RAD21: variants seen among roughly 807,000 people sequenced by gnomAD.
RAD21 encodes the protein double-strand-break repair protein rad21 homolog.
RAD21 carries 18 observed loss-of-function variants against 71.5 expected under a neutral mutation model. That is an observed-to-expected ratio of 0.25 (90% CI 0.17 to 0.37). The LOEUF is 0.37. RAD21 is among the 10% of genes least tolerant of loss of function. The pLI is 1.00. For synonymous variants in RAD21, 248 were observed against 254.0 expected, an observed-to-expected ratio of 0.98 and a Z score of 0.22; for missense variants, 493 against 769.1, an observed-to-expected ratio of 0.64 and a Z score of 4.25.
chr8:116,869,827 T>C (rs899384923), intron 1 of RAD21, among the ~76,000 whole-genome samples: 1 of 152,224 alleles, frequency 6.6e-6, no homozygotes, highest in African/African-American at 2.4e-5. Flanking sequence ...TCTCTTGAAT[T>C]AGCTTTTCTC....
intron 1 of RAD21, among the ~76,000 whole-genome samples, chr8:116,869,730 T>A (rs1235031991): frequency 6.6e-6 from 1 of 152,110 alleles, no homozygotes; most frequent in East Asian, 1.9e-4. Flanking sequence ...ACACTTAATA[T>A]AAGAGCTAAA....
chr8:116,871,329 GA>G (rs1263139222), intron 1 of RAD21, among the ~76,000 whole-genome samples: 1 of 152,064 alleles, frequency 6.6e-6, no homozygotes, highest in African/African-American at 2.4e-5. Context: ...CATGATTTGA[GA>G]ATCATTTTTT....
intron 2 of RAD21, among the ~76,000 whole-genome samples, chr8:116,864,504 G>A (rs1812651768): frequency 7.1e-6 from 1 of 140,000 alleles, no homozygotes; most frequent in Non-Finnish European, 1.6e-5. Flanking sequence ...TACATTTTTA[G>A]ACATCCAAAA....
rs751240893 is a variant in RAD21 at position 116,854,326 on chromosome 8, C to T, written c.1080G>A (p.Leu360=). ...TLDLAPPTKK[L]MMWKETGGVE... ...CTCCTCCTGTCTCTTTCCACATCATCAATTTCTTGGTGGGCGGTGCCAGAT... is the reference window on the plus strand; with the variant it reads ...CTCCTCCTGTCTCTTTCCACATCATTAATTTCTTGGTGGGCGGTGCCAGAT... Residue 360 remains leucine, a synonymous_variant, in exon 9 of 14, where the codon TTG becomes TTA. Coordinates refer to ENST00000297338, the MANE Select transcript of RAD21 (RefSeq NM_006265.3). The T allele has an allele frequency of 1.9e-6, 3 of 1,613,862 alleles. No individual in the cohort carries two copies. The East Asian group carries it at 6.7e-5, about 36-fold the overall frequency.
chr8:116,869,976 C>A (rs1051784318), intron 1 of RAD21, among the ~76,000 whole-genome samples: 1 of 152,100 alleles, frequency 6.6e-6, no homozygotes, highest in Non-Finnish European at 1.5e-5. Context: ...ACGCGTATCA[C>A]AAGCAACAGA....
chr8:116,858,258 T>C (rs1230271898), intron 5 of RAD21, 94 bp downstream of exon 5: 3 of 912,908 alleles, frequency 3.3e-6, no homozygotes, highest in Non-Finnish European at 5.0e-6. Flanking sequence ...AAATTTTAAG[T>C]CTTTCTGTCT....
intron 11 of RAD21, chr8:116,851,342 A>G (rs1321192299): frequency 6.6e-6 from 1 of 152,268 alleles, no homozygotes; most frequent in Non-Finnish European, 1.5e-5. Context: ...TTACCACCAG[A>G]GGGCACAGAA....
chr8:116,871,524 C>G (rs1308800234), intron 1 of RAD21, among the ~76,000 whole-genome samples: 1 of 152,194 alleles, frequency 6.6e-6, no homozygotes, highest in Non-Finnish European at 1.5e-5. Context: ...CAATATTTCA[C>G]TCATTAGAAA....
Position 116,869,528 on chromosome 8 carries a change from C to A in RAD21, c.-32-2767G>T, listed in dbSNP as rs551215930. ...TGAACCCAGGCTGTGGAGGTTGCAG[C>A]GAGCTGAGATCGCGACACTGCATTC... On this transcript the variant is annotated intron_variant, in intron 1 of 13. Coordinates refer to ENST00000297338, the MANE Select transcript of RAD21 (RefSeq NM_006265.3). Among the ~76,000 whole-genome samples the A allele has an allele frequency of 5.3e-5, 8 of 151,982 alleles. No homozygotes were observed. In the South Asian group the frequency reaches 1.7e-3, roughly 32 times the overall value.
At position 116,850,723 on chromosome 8, in the gene RAD21, G is replaced by A. The variant is rs9297560; in HGVS notation, c.1515C>T (p.Pro505=). 22 of 1,613,222 alleles carry A rather than the reference G, an allele frequency of 1.4e-5. No individual in the cohort carries two copies. Among genetic ancestry groups the A allele is most frequent in the Non-Finnish European group, 1.8e-5 (21 of 1,179,430 alleles). ...EQMEIPPVEL[P]PEEPPNICQL... ...GACAGATATTTGGAGGTTCTTCTGG[G>A]GGAAGCTCTACAGGTGGTATTTCCA... Residue 505 remains proline (P), a synonymous_variant, in exon 12 of 14, where the codon CCC becomes CCT. Coordinates refer to ENST00000297338, the MANE Select transcript of RAD21 (RefSeq NM_006265.3).
At position 116,856,789 on chromosome 8, in the gene RAD21, A is replaced by G; in HGVS notation, c.689-18T>C. The G allele has an allele frequency of 6.8e-7, 1 of 1,478,984 alleles. No homozygotes were observed. The highest frequency in any genetic ancestry group is 9.0e-7 in the Non-Finnish European group (1 of 1,105,472). The allele number at this position is 1,478,984 out of a possible 1,614,324, so 91.6% of individuals were successfully genotyped here. On this transcript the variant is annotated intron_variant, in intron 6 of 13. Transcript: ENST00000297338. ...TTTGTCATCTGAAATAGGGAATGTA[A>G]GTTAGTTATAATTTGAAAAAGAAAT... is the stretch of plus-strand genomic sequence containing the variant.
intron 12 of RAD21, among the ~76,000 whole-genome samples, chr8:116,850,048 GAA>G (rs1445300035): frequency 3.3e-5 from 5 of 151,998 alleles, no homozygotes; most frequent in Non-Finnish European, 5.9e-5. Flanking sequence ...AGAAAAAGAA[GAA>G]AAAAGACCTT....
chr8:116,858,991 A>G (rs1812528488), intron 4 of RAD21, among the ~76,000 whole-genome samples: 1 of 149,372 alleles, frequency 6.7e-6, no homozygotes, highest in African/African-American at 2.5e-5. Flanking sequence ...GATGGCAAGG[A>G]AAAAAAAAAT....
At chr8:116,857,528 T>C (rs1812495125) in intron 5 of RAD21, 55 bp from the exon 6 acceptor site, 2 of 1,419,882 alleles carry the variant, frequency 1.4e-6, no homozygotes, top group Admixed American at 1.9e-5. Context: ...AGCACTGTGA[T>C]AAAAGAAAAC....
intron 1 of RAD21, among the ~76,000 whole-genome samples, chr8:116,872,131 A>T (rs1353468388): frequency 6.6e-6 from 1 of 152,236 alleles, no homozygotes; most frequent in Non-Finnish European, 1.5e-5. Flanking sequence ...AACTATATTA[A>T]CTATTAACAT....
intron 1 of RAD21, chr8:116,874,135 G>A (rs1204938741): frequency 6.7e-6 from 1 of 150,242 alleles, no homozygotes; most frequent in African/African-American, 2.5e-5. Context: ...TCGGCGGAAG[G>A]TTGCTGCTCC....
chr8:116,871,349 GGCAA>G (rs1187194203), intron 1 of RAD21, among the ~76,000 whole-genome samples: 2 of 152,024 alleles, frequency 1.3e-5, no homozygotes, highest in African/African-American at 4.8e-5. Context: ...TTTCTAAAGC[GGCAA>G]GCAGTTTTTT....
chr8:116,851,308 G>A (rs1410884389), intron 11 of RAD21: 1 of 152,210 alleles, frequency 6.6e-6, no homozygotes, highest in Non-Finnish European at 1.5e-5. Context: ...AGCTCATACA[G>A]AAAAATGCTC....
chr8:116,866,767 A>AG lies in RAD21; in HGVS notation c.-32-7dup, dbSNP rs757014520. On this transcript the variant is annotated splice_region_variant and splice_polypyrimidine_tract_variant and intron_variant, in intron 1 of 13. Coordinates refer to ENST00000297338, the MANE Select transcript of RAD21 (RefSeq NM_006265.3). ...CTATGAAAACAGAAGAAAACCTAAG[A>AG]GGGGAAAAAAAAGTTAATGTAAACA... 7.8e-6 allele frequency: 12 copies of AG among 1,530,348 alleles called. No individual in the cohort carries two copies. The highest frequency in any genetic ancestry group is 1.4e-5 in the African/African-American group (1 of 71,976). 94.8% of individuals were successfully genotyped at this position (1,530,348 alleles called of 1,614,324 possible).
Sources: allele counts gnomAD v4.1 joint callset (sites outside exome capture counted in the v4.1 genomes callset), GRCh38; gene constraint gnomAD v4.1.1; transcripts MANE v1.5; gene names NCBI Gene and HGNC (gene_info 2026-07-23, HGNC 2026-07-21).